The following BUB1B variants were observed in gnomAD, a reference collection of about 807,000 sequenced individuals.
The protein encoded by BUB1B is mitotic checkpoint serine/threonine-protein kinase BUB1 beta.
In BUB1B, 86 loss-of-function variants were observed where a neutral mutation model predicts 137.7. The observed-to-expected ratio is 0.62, with a 90% CI of 0.52 to 0.75. BUB1B has a LOEUF of 0.75. BUB1B is among the 30% of genes least tolerant of loss of function. The pLI is 0.00. For synonymous variants in BUB1B, 420 were observed against 417.9 expected, an observed-to-expected ratio of 1.00 and a Z score of -0.06; for missense variants, 1,130 against 1,236.9, an observed-to-expected ratio of 0.91 and a Z score of 1.30.
intron 18 of BUB1B, 54 bp downstream of exon 18, chr15:40,210,264 C>A: frequency 7.8e-7 from 1 of 1,281,844 alleles, no homozygotes; most frequent in Non-Finnish European, 1.1e-6. Flanking sequence ...CGGATTGGAG[C>A]AATAACTGTC....
intron 6 of BUB1B, 39 bp from the exon 7 acceptor site, chr15:40,185,126 G>A: frequency 6.5e-7 from 1 of 1,547,676 alleles, no homozygotes; most frequent in East Asian, 2.2e-5. Flanking sequence ...AGTTAATAAT[G>A]AAACATTTTA....
chr15:40,164,438 G>A (rs1161918723), intron 1 of BUB1B, among the ~76,000 whole-genome samples: 1 of 151,982 alleles, frequency 6.6e-6, no homozygotes, highest in African/African-American at 2.4e-5. Flanking sequence ...ATGTTGCCCA[G>A]GGTGGTGTTG....
intron 2 of BUB1B, chr15:40,166,339 CTT>C (rs746106063): frequency 5.0e-4 from 182 of 363,842 alleles, no homozygotes; most frequent in Admixed American, 9.7e-4. Flanking sequence ...CTCTCTCTCT[CTT>C]TTTTTTTTTT....
At chr15:40,194,491 G>A (rs76004855) in intron 8 of BUB1B, among the ~76,000 whole-genome samples, 1 of 152,168 alleles carries the variant, frequency 6.6e-6, no homozygotes, top group Non-Finnish European at 1.5e-5. Context: ...TCCTCTAGCA[G>A]GTTGAGCAAG....
chr15:40,171,514 G>T (rs1402240728), intron 4 of BUB1B, among the ~76,000 whole-genome samples: 1 of 152,048 alleles, frequency 6.6e-6, no homozygotes, highest in South Asian at 2.1e-4. Context: ...ACCACTGTCC[G>T]CCAGCCCAAG....
In BUB1B at chr15:40,165,175, A is replaced by G; in HGVS notation, c.158A>G (p.Asn53Ser). ...CTGGCACAAGAATCTGCCTGTAACA[A>G]TACTCTTCAGCAGCAGAAACGGTGT... ...GALAQESACN[N>S]TLQQQKRAFE... The change falls in exon 2 of 23, where the codon AAT becomes AGT. Residue 53 changes from asparagine (N) to serine (S), a missense_variant. Transcript: ENST00000287598. 1 of 1,614,202 alleles carries G rather than the reference A, an allele frequency of 6.2e-7. No homozygotes were observed. The highest frequency in any genetic ancestry group is 2.2e-5 in the East Asian group (1 of 44,890).
intron 1 of BUB1B, 68 bp downstream of exon 1, chr15:40,161,323 T>C (rs577120547): frequency 1.3e-6 from 2 of 1,550,134 alleles, no homozygotes; most frequent in Admixed American, 1.9e-5. Flanking sequence ...AATAGAAGGC[T>C]CCGCTCGGAG....
chr15:40,183,663 C>G, intron 5 of BUB1B, 51 bp from the exon 6 acceptor site: 1 of 1,576,536 alleles, frequency 6.3e-7, no homozygotes, highest in Non-Finnish European at 8.7e-7. Context: ...AATTTTGAGT[C>G]TGGTAAAATA....
At chr15:40,213,537 T>C (rs896911855) in intron 20 of BUB1B, 63 bp downstream of exon 20, 183 of 1,578,932 alleles carry the variant, frequency 1.2e-4, no homozygotes, top group Non-Finnish European at 1.5e-4. Context: ...AGTTGCCACT[T>C]TTTTTTTTCT....
intron 5 of BUB1B, among the ~76,000 whole-genome samples, chr15:40,180,226 A>G (rs1239593626): frequency 6.8e-6 from 1 of 147,730 alleles, no homozygotes; most frequent in East Asian, 2.0e-4. Flanking sequence ...TACTGGATAT[A>G]GAATTCTGGG....
At chr15:40,171,232 T>C (rs1411748408) in intron 4 of BUB1B, among the ~76,000 whole-genome samples, 2 of 151,828 alleles carry the variant, frequency 1.3e-5, no homozygotes, top group Non-Finnish European at 2.9e-5. Flanking sequence ...CCAACACCCC[T>C]AGTCCGGATT....
At chr15:40,195,746 T>C (rs2037489984) in intron 8 of BUB1B, among the ~76,000 whole-genome samples, 1 of 152,242 alleles carries the variant, frequency 6.6e-6, no homozygotes, top group Non-Finnish European at 1.5e-5. Flanking sequence ...ATGCTGAACA[T>C]TTTTTCATAT....
intron 9 of BUB1B, among the ~76,000 whole-genome samples, chr15:40,197,085 A>G (rs1431821551): frequency 6.6e-6 from 1 of 152,204 alleles, no homozygotes. Context: ...CCCCAATACA[A>G]TAAGCAAGCA....
chr15:40,207,057 G>A (rs1187996215), intron 15 of BUB1B, among the ~76,000 whole-genome samples: 3 of 151,956 alleles, frequency 2.0e-5, no homozygotes, highest in East Asian at 1.9e-4. Context: ...TGATCCACCC[G>A]CCTCGGCCTC....
At chr15:40,166,128 C>T (rs1187272804) in intron 2 of BUB1B, among the ~76,000 whole-genome samples, 1 of 152,274 alleles carries the variant, frequency 6.6e-6, no homozygotes, top group African/African-American at 2.4e-5. Flanking sequence ...GCTGGGATTA[C>T]AGGCGTAAGC....
chr15:40,200,502 G>A, intron 11 of BUB1B, 143 bp downstream of exon 11: 2 of 653,398 alleles, frequency 3.1e-6, no homozygotes, highest in East Asian at 2.7e-5. Context: ...CATAAGCTTT[G>A]ATGCTGATGA....
At chr15:40,185,833 C>T (rs370770126) in intron 8 of BUB1B, among the ~76,000 whole-genome samples, 191 bp downstream of exon 8, 3 of 152,142 alleles carry the variant, frequency 2.0e-5, no homozygotes, top group African/African-American at 7.2e-5. Context: ...TCAAGACCAG[C>T]CTGGGCAGCC....
intron 18 of BUB1B, among the ~76,000 whole-genome samples, chr15:40,211,537 C>T (rs913283534): frequency 4.6e-5 from 7 of 152,146 alleles, no homozygotes; most frequent in Admixed American, 4.6e-4. Flanking sequence ...ATAAGCCTGG[C>T]TGCTAGCTTT....
intron 2 of BUB1B, 117 bp downstream of exon 2, chr15:40,165,313 A>C: frequency 7.3e-7 from 1 of 1,370,964 alleles, no homozygotes; most frequent in Non-Finnish European, 1.0e-6. Context: ...TGGTAGTATG[A>C]GAATCTGTTC....
Sources: gnomAD v4.1 joint callset for allele counts (sites outside exome capture counted in the v4.1 genomes callset) on GRCh38, gnomAD v4.1.1 for gene constraint, MANE v1.5 for transcripts, NCBI Gene and HGNC (gene_info 2026-07-23, HGNC 2026-07-21) for gene names.